Variants in PFKFB3 observed in about 807,000 individuals in gnomAD.
The protein encoded by PFKFB3 is 6-phosphofructo-2-kinase/fructose-2,6-bisphosphatase 3.
A neutral mutation model predicts 68.0 loss-of-function variants in PFKFB3; 33 were observed. That is an observed-to-expected ratio of 0.49 (90% CI 0.37 to 0.65). PFKFB3 has a LOEUF of 0.65. PFKFB3 is among the 30% of genes least tolerant of loss of function. The pLI, the probability that PFKFB3 is intolerant of heterozygous loss-of-function variation, is 0.00. For missense variants in PFKFB3, 586 were observed against 712.2 expected (o/e 0.82, Z 2.02); for synonymous variants, 315 against 288.2 (o/e 1.09, Z -0.94).
At chr10:6,242,880 G>T (rs1288832879) in intron 14 of PFKFB3, among the ~76,000 whole-genome samples, 1 of 152,196 alleles carries the variant, frequency 6.6e-6, no homozygotes, top group Non-Finnish European at 1.5e-5. Flanking sequence ...GAGCCACTGC[G>T]CCCGGCCTAA....
At chr10:6,146,152 C>A in intron 1 of PFKFB3, 2 of 844,454 alleles carry the variant, frequency 2.4e-6, no homozygotes, top group Non-Finnish European at 2.9e-6. Flanking sequence ...GTGGGGGGAG[C>A]CTGGCCTCCC....
chr10:6,216,617 A>G (rs1404905914), intron 4 of PFKFB3, 89 bp from the exon 5 acceptor site: 1 of 907,850 alleles, frequency 1.1e-6, no homozygotes, highest in African/African-American at 1.6e-5. Flanking sequence ...ATTCCTGGAG[A>G]TGATGGGTCT....
At chr10:6,259,827 C>T in the PFKFB3 span, among the ~76,000 whole-genome samples, 2 of 152,192 alleles carry the variant, frequency 1.3e-5, no homozygotes, top group African/African-American at 4.8e-5. Context: ...TTAGAGTTTG[C>T]TGTCTCCTAG....
At position 6,154,221 on chromosome 10, in the gene PFKFB3, GTTTT is replaced by G. The variant is rs1376307369; in HGVS notation, c.16+9209_16+9212del. Among the ~76,000 whole-genome samples, 5 of 151,790 alleles carry G rather than the reference GTTTT, an allele frequency of 3.3e-5. No individual in the cohort carries two copies. The highest frequency in any genetic ancestry group is 1.2e-4 in the African/African-American group (5 of 41,312). Reference sequence around the variant, plus strand: ...GCTGGAGACAGGAAGGCCTGGGAGGGTTTTGGTGGAGGTGTGGGCTGAATTAATT... The same window carrying G: ...GCTGGAGACAGGAAGGCCTGGGAGGGGGTGGAGGTGTGGGCTGAATTAATT... On this transcript the variant is annotated intron_variant, in intron 1 of 14. Coordinates refer to the PFKFB3 transcript ENST00000379789. This position sits in a 1 kb window ranked among gnomAD's most constrained non-coding sequence, Gnocchi z 4.6.
chr10:6,255,590 G>A (rs1273672670), downstream of PFKFB3, among the ~76,000 whole-genome samples: 3 of 152,216 alleles, frequency 2.0e-5, no homozygotes, highest in East Asian at 1.9e-4. Flanking sequence ...GGAATAGAGT[G>A]TACTTTTCTG....
At chr10:6,274,200 T>TAAA in the PFKFB3 span, among the ~76,000 whole-genome samples, 6 of 141,682 alleles carry the variant, frequency 4.2e-5, no homozygotes, top group African/African-American at 1.6e-4. Context: ...ATCCTATCTC[T>TAAA]AAAAAAAAAA....
intron 1 of PFKFB3, among the ~76,000 whole-genome samples, chr10:6,175,510 C>A (rs1045253939): frequency 6.6e-6 from 1 of 152,194 alleles, no homozygotes; most frequent in East Asian, 1.9e-4. Context: ...CCAACTAGCC[C>A]GGATCTCTCA....
rs35447462 is a variant in PFKFB3, at chr10:6,208,371, C to CTTTTTTTTTTTTTTTTTTTTTTTTTTTT, written c.76+5057_76+5058insTTTTTTTTTTTTTTTTTTTTTTTTTTTT. Among the ~76,000 whole-genome samples the CTTTTTTTTTTTTTTTTTTTTTTTTTTTT allele has an allele frequency of 3.3e-5, 2 of 60,624 alleles. 1 individual carries two copies. Among genetic ancestry groups the CTTTTTTTTTTTTTTTTTTTTTTTTTTTT allele is most frequent in the African/African-American group, 1.3e-4 (2 of 14,940 alleles). 39.8% of individuals were successfully genotyped at this position (60,624 alleles called of 152,430 possible). The stretch of plus-strand genomic sequence containing the variant: ...ACAGGTGTAAGCCAGGGTACCTGGC[C>CTTTTTTTTTTTTTTTTTTTTTTTTTTTT]TTTTTTTTTTTTTTTTTTTTTTGCC... On this transcript the variant is annotated intron_variant, in intron 1 of 14. Coordinates refer to ENST00000379775, the MANE Select transcript of PFKFB3 (RefSeq NM_004566.4).
chr10:6,221,475 A>C lies in PFKFB3; in HGVS notation c.926A>C (p.Glu309Ala). The change falls in exon 9 of 15, where the codon GAG (glutamate) becomes GCG (alanine). Residue 309 changes from glutamate (E) to alanine (A), a missense_variant. Coordinates refer to ENST00000379775, the MANE Select transcript of PFKFB3 (RefSeq NM_004566.4). ...SQLKSTIQTA[E>A]ALRLPYEQWK... Reference sequence around the variant, plus strand: ...CTGAAGAGCACCATCCAGACGGCCGAGGCGCTGCGGCTGCCCTACGAGCAG... The same window carrying C: ...CTGAAGAGCACCATCCAGACGGCCGCGGCGCTGCGGCTGCCCTACGAGCAG... The C allele has an allele frequency of 6.2e-7, 1 of 1,613,710 alleles. No individual in the cohort carries two copies. Among genetic ancestry groups the C allele is most frequent in the South Asian group, 1.1e-5 (1 of 91,084 alleles).
the PFKFB3 span, among the ~76,000 whole-genome samples, chr10:6,261,585 G>C: frequency 6.6e-6 from 1 of 152,108 alleles, no homozygotes; most frequent in South Asian, 2.1e-4. Flanking sequence ...TGGGCTGGGC[G>C]TGGTGGCTCA....
chr10:6,227,158 A>G (rs182080219), intron 14 of PFKFB3, among the ~76,000 whole-genome samples: 1 of 152,082 alleles, frequency 6.6e-6, no homozygotes. Flanking sequence ...GGCCTGGAAG[A>G]TTTTGGTTGT....
chr10:6,318,005 G>T, the PFKFB3 span, among the ~76,000 whole-genome samples: 1 of 152,370 alleles, frequency 6.6e-6, no homozygotes, highest in South Asian at 2.1e-4. Context: ...GCAGCATGTG[G>T]TTGTGATACC....
In PFKFB3 at chr10:6,220,447, TG is replaced by T. The variant is rs1844872916; in HGVS notation, c.624-208del. On this transcript the variant is annotated intron_variant, in intron 7 of 14. Transcript: ENST00000379775. The surrounding 1 kb of genome is among the most constrained non-coding windows in gnomAD (Gnocchi z 4.1). ...TTCTTTCTTTTTTCTCCCCCTTTTC[TG>T]GGAGGCAGGCCAGCCTCACAGCCAG... 6.6e-6 allele frequency among the ~76,000 whole-genome samples: 1 copy of T among 152,210 alleles called. No homozygotes were observed. The highest frequency in any genetic ancestry group is 1.5e-5 in the Non-Finnish European group (1 of 68,032).
At chr10:6,198,245 C>CAA (rs58649656), upstream of PFKFB3, among the ~76,000 whole-genome samples, 1 of 114,354 alleles carries the variant, frequency 8.7e-6, no homozygotes, top group African/African-American at 3.0e-5. Context: ...GACTCCGTCT[C>CAA]AAAAAAAAAA....
chr10:6,207,415 A>G (rs181001934), intron 1 of PFKFB3, among the ~76,000 whole-genome samples: 2 of 152,182 alleles, frequency 1.3e-5, no homozygotes, highest in Non-Finnish European at 2.9e-5. Flanking sequence ...TCGGCATCAG[A>G]GGGAGACCGT....
chr10:6,167,131 C>CT (rs1399307130), intron 1 of PFKFB3, among the ~76,000 whole-genome samples: 7 of 152,278 alleles, frequency 4.6e-5, no homozygotes, highest in Non-Finnish European at 1.0e-4. Flanking sequence ...CCTAGCCTTT[C>CT]TTTTTTGCAA....
At chr10:6,189,748 CAA>C (rs1415986431) in intron 1 of PFKFB3, among the ~76,000 whole-genome samples, 4 of 151,836 alleles carry the variant, frequency 2.6e-5, no homozygotes, top group African/African-American at 9.7e-5. Flanking sequence ...CTCCTGACCT[CAA>C]GTGATCCGCC....
At position 6,220,501 on chromosome 10, in the gene PFKFB3, A is replaced by G. The variant is rs969107884; in HGVS notation, c.624-157A>G. Among the ~76,000 whole-genome samples, 1 of 152,020 alleles carries G rather than the reference A, an allele frequency of 6.6e-6. No individual in the cohort carries two copies. The highest frequency in any genetic ancestry group is 6.6e-5 in the Admixed American group (1 of 15,252). On this transcript the variant is annotated intron_variant, in intron 7 of 14. Transcript: ENST00000379775. The surrounding 1 kb of genome is among the most constrained non-coding windows in gnomAD (Gnocchi z 4.1). ...ACCAGCTGTGGGAGTTGTCTTACGC[A>G]TATGCTCTGCCCCTTAGAAGGATTC... is the stretch of plus-strand genomic sequence containing the variant.
At chr10:6,224,772 C>T (rs577443687) in intron 13 of PFKFB3, 5 of 316,038 alleles carry the variant, frequency 1.6e-5, no homozygotes, top group Middle Eastern at 1.1e-3. Flanking sequence ...AGGTGTGAGC[C>T]GTTGTGCCCA....
Sources: allele counts gnomAD v4.1 joint callset (sites outside exome capture counted in the v4.1 genomes callset), GRCh38; gene constraint gnomAD v4.1.1; non-coding constraint Gnocchi (gnomAD v3.1); transcripts MANE v1.5; gene names NCBI Gene and HGNC (gene_info 2026-07-23, HGNC 2026-07-21).